Variants in FRMPD4 observed in about 807,000 individuals in gnomAD.
The protein encoded by FRMPD4 is FERM and PDZ domain-containing protein 4.
A neutral mutation model predicts 94.1 loss-of-function variants in FRMPD4; 22 were observed. That is an observed-to-expected ratio of 0.23 (90% CI 0.17 to 0.33). The LOEUF (loss-of-function observed/expected upper bound fraction) is 0.33, where lower values mean the gene tolerates loss of function less well. Among genes scored for constraint, FRMPD4 ranks in the 10% least tolerant of loss-of-function variants. The probability of loss-of-function intolerance (pLI) is 1.00; values close to 1 mark genes in which losing one functional copy is unlikely to be tolerated. For missense variants in FRMPD4, 1,111 were observed against 1,339.9 expected (o/e 0.83, Z 2.67); for synonymous variants, 631 against 548.6 (o/e 1.15, Z -2.10).
chrX:12,253,846 CA>C (rs1174156241), intron 1 of FRMPD4, among the ~76,000 whole-genome samples: 1 of 110,638 alleles, frequency 9.0e-6, no homozygotes, highest in Non-Finnish European at 1.9e-5. Context: ...CTAAGAGGAG[CA>C]GTAAAGAGTG....
intron 1 of FRMPD4, among the ~76,000 whole-genome samples, chrX:12,480,097 A>T (rs1257288082): frequency 9.0e-6 from 1 of 111,063 alleles, no homozygotes; most frequent in Non-Finnish European, 1.9e-5. Context: ...GTGAGATTTT[A>T]AAAAATAGGA....
intron 2 of FRMPD4, among the ~76,000 whole-genome samples, chrX:12,528,443 C>T (rs550034891): frequency 2.5e-4 from 27 of 108,164 alleles, no homozygotes; most frequent in Non-Finnish European, 5.0e-4. Context: ...GCCTCAGCCT[C>T]CCAAGTAACT....
chrX:12,191,187 CAAT>C (rs918817549), intron 1 of FRMPD4, among the ~76,000 whole-genome samples: 12 of 112,008 alleles, frequency 1.1e-4, no homozygotes, highest in Admixed American at 5.7e-4. Context: ...ATTAAAACAA[CAAT>C]GAGATACCAC....
At chrX:12,054,696 ACT>A (rs1370991313) in intron 3 of FRMPD4, 3 of 111,864 alleles carry the variant, frequency 2.7e-5, no homozygotes, top group Non-Finnish European at 3.8e-5. Context: ...AGTTTAACTA[ACT>A]CTGGCAAGAT....
intron 4 of FRMPD4, among the ~76,000 whole-genome samples, chrX:12,672,511 C>T (rs2059854099): frequency 8.9e-6 from 1 of 112,361 alleles, no homozygotes; most frequent in Admixed American, 9.4e-5. Flanking sequence ...CTGCTTCTGA[C>T]AGCCTCTTCC....
At chrX:12,335,557 G>C (rs1200074851) in intron 1 of FRMPD4, among the ~76,000 whole-genome samples, 2 of 111,215 alleles carry the variant, frequency 1.8e-5, no homozygotes, top group Non-Finnish European at 3.8e-5. Context: ...CTTCCCCTTG[G>C]ACTCTGCGTC....
chrX:12,216,816 C>A (rs1419288146), intron 1 of FRMPD4, among the ~76,000 whole-genome samples: 1 of 112,089 alleles, frequency 8.9e-6, no homozygotes, highest in Non-Finnish European at 1.9e-5. Flanking sequence ...TTACTCCCAG[C>A]CTGAAGCTCT....
At position 11,874,526 on chromosome X, in the gene FRMPD4, G is replaced by T. The variant is rs184009345; in HGVS notation, c.-29-3369G>T. Among the ~76,000 whole-genome samples, 5 of 112,296 alleles carry T rather than the reference G, an allele frequency of 4.5e-5. No individual in the cohort carries two copies. The East Asian group carries it at 8.4e-4, about 19-fold the overall frequency. On this transcript the variant is annotated intron_variant, in intron 2 of 18. Coordinates refer to the FRMPD4 transcript ENST00000640291. The stretch of plus-strand genomic sequence containing the variant: ...TAGCGATGATTTAACATATACAGGG[G>T]AATGTGCATAGGTTGTATGCAAATA...
chrX:12,024,645 C>T (rs997998094), intron 3 of FRMPD4, among the ~76,000 whole-genome samples: 1 of 112,148 alleles, frequency 8.9e-6, no homozygotes, highest in African/African-American at 3.2e-5. Context: ...TTCCTGATCG[C>T]ATTTTCCCTA....
At chrX:12,112,352 G>A (rs977569040) in intron 3 of FRMPD4, among the ~76,000 whole-genome samples, 4 of 110,968 alleles carry the variant, frequency 3.6e-5, no homozygotes, top group African/African-American at 1.3e-4. Context: ...TCACTCATAG[G>A]TGGGAATTGA....
chrX:12,665,830 G>A (rs1390050594), intron 4 of FRMPD4, among the ~76,000 whole-genome samples: 1 of 111,911 alleles, frequency 8.9e-6, no homozygotes, highest in Admixed American at 9.5e-5. Context: ...ATACCAAATT[G>A]TAAAGGCCAT....
At chrX:11,825,190 T>TTGTGTGTGTGTGTGTGTG (rs747320680) in intron 1 of FRMPD4, among the ~76,000 whole-genome samples, 1 of 80,160 alleles carries the variant, frequency 1.2e-5, no homozygotes, top group Non-Finnish European at 2.4e-5. Flanking sequence ...TGTGTCTTCT[T>TTGTGTGTGTGTGTGTGTG]TGTGTGTGTG....
intron 2 of FRMPD4, among the ~76,000 whole-genome samples, chrX:11,869,827 T>A (rs1227943536): frequency 9.0e-6 from 1 of 111,510 alleles, no homozygotes; most frequent in East Asian, 2.8e-4. Context: ...AAATTATAAG[T>A]GCTTAAGTAA....
chrX:12,638,288 G>C (rs749784865), intron 4 of FRMPD4, among the ~76,000 whole-genome samples: 83 of 112,490 alleles, frequency 7.4e-4, no homozygotes, highest in Middle Eastern at 4.2e-3. Context: ...TTGAGACAAG[G>C]TCTCCACTCT....
intron 1 of FRMPD4, among the ~76,000 whole-genome samples, chrX:12,383,432 G>A (rs1273407550): frequency 1.8e-5 from 2 of 111,345 alleles, no homozygotes; most frequent in African/African-American, 3.3e-5. Context: ...CCTGCAGTGC[G>A]CAGGACCCCT....
chrX:11,874,119 G>C (rs774510757), intron 2 of FRMPD4, among the ~76,000 whole-genome samples: 1 of 111,960 alleles, frequency 8.9e-6, no homozygotes, highest in Non-Finnish European at 1.9e-5. Flanking sequence ...ACCTTTTTTT[G>C]TGTGTCATTA....
chrX:11,843,978 C>CTTTTTTT (rs1193068056), intron 1 of FRMPD4, among the ~76,000 whole-genome samples: 1 of 61,405 alleles, frequency 1.6e-5, no homozygotes, highest in Non-Finnish European at 2.9e-5. Flanking sequence ...GTTATGAATT[C>CTTTTTTT]TTTTTTTTTT....
chrX:12,202,179 A>G lies in FRMPD4; in HGVS notation c.41+63167A>G, dbSNP rs1859341537. On this transcript the variant is annotated intron_variant, in intron 1 of 16. Transcript: ENST00000675598. ...TAGCTAAGAATCTTATTGACAGTGT[A>G]CACGGACTATTTTGGATAATCCTAG... Among the ~76,000 whole-genome samples the G allele has an allele frequency of 3.6e-5, 4 of 111,728 alleles. No individual in the cohort carries two copies. In the Admixed American group the frequency reaches 3.8e-4, roughly 11 times the overall value.
intron 1 of FRMPD4, among the ~76,000 whole-genome samples, chrX:11,854,001 C>A (rs1258656965): frequency 8.9e-6 from 1 of 111,939 alleles, no homozygotes; most frequent in East Asian, 2.8e-4. Context: ...TGAAGAAATA[C>A]CTGAGACCAG....
Sources: gnomAD v4.1 joint callset for allele counts (sites outside exome capture counted in the v4.1 genomes callset) on GRCh38, gnomAD v4.1.1 for gene constraint, MANE v1.5 for transcripts, NCBI Gene and HGNC (gene_info 2026-07-23, HGNC 2026-07-21) for gene names.